GPM6A: variants seen among roughly 807,000 people sequenced by gnomAD.
The protein encoded by GPM6A is glycoprotein M6A, also known as neuronal membrane glycoprotein M6-a.
GPM6A carries 7 observed loss-of-function variants against 32.1 expected under a neutral mutation model. The ratio of observed to expected loss-of-function variants is 0.22; its 90% CI spans 0.12 to 0.41. The LOEUF (loss-of-function observed/expected upper bound fraction) is 0.41. GPM6A is among the 10% of genes least tolerant of loss of function. GPM6A has a pLI of 1.00. For missense variants in GPM6A, 235 were observed against 347.2 expected (o/e 0.68, Z 2.57); for synonymous variants, 130 against 123.4 (o/e 1.05, Z -0.35).
intron 1 of GPM6A, among the ~76,000 whole-genome samples, chr4:175,808,435 T>C (rs1339301590): frequency 6.6e-6 from 1 of 152,224 alleles, no homozygotes; most frequent in Non-Finnish European, 1.5e-5. Context: ...AATAAACCTG[T>C]ACCCTCTCCT....
chr4:175,998,009 C>A (rs970959353), intron 1 of GPM6A, among the ~76,000 whole-genome samples: 1 of 152,130 alleles, frequency 6.6e-6, no homozygotes, highest in Non-Finnish European at 1.5e-5. Flanking sequence ...ATAGATAATT[C>A]ATTTCATGGG....
chr4:175,878,367 C>T (rs560042310), intron 1 of GPM6A, among the ~76,000 whole-genome samples: 3 of 152,312 alleles, frequency 2.0e-5, no homozygotes, highest in African/African-American at 4.8e-5. Flanking sequence ...TCTGTGAGTG[C>T]CCCACCCCTG....
At chr4:175,912,362 C>A (rs1738348275) in intron 1 of GPM6A, among the ~76,000 whole-genome samples, 1 of 151,900 alleles carries the variant, frequency 6.6e-6, no homozygotes, top group Non-Finnish European at 1.5e-5. Flanking sequence ...ATGGTTCAAG[C>A]ATAAAGGTCT....
chr4:175,955,628 C>G (rs1156481902), intron 1 of GPM6A, among the ~76,000 whole-genome samples: 1 of 152,184 alleles, frequency 6.6e-6, no homozygotes, highest in African/African-American at 2.4e-5. Flanking sequence ...CAATCTATCT[C>G]TGGTTCACCT....
intron 1 of GPM6A, among the ~76,000 whole-genome samples, chr4:175,851,295 G>A (rs991613316): frequency 3.3e-5 from 5 of 152,066 alleles, no homozygotes; most frequent in African/African-American, 1.2e-4. Flanking sequence ...GACCAGCCTG[G>A]CCAACATGGT....
intron 3 of GPM6A, among the ~76,000 whole-genome samples, chr4:175,671,570 T>C (rs1215428608): frequency 7.1e-6 from 1 of 141,352 alleles, no homozygotes; most frequent in African/African-American, 2.6e-5. Flanking sequence ...TCTTTTCCCC[T>C]CGATTTCATG....
chr4:175,911,864 A>G (rs977813356), intron 1 of GPM6A, among the ~76,000 whole-genome samples: 24 of 152,180 alleles, frequency 1.6e-4, no homozygotes, highest in African/African-American at 4.8e-4. Context: ...TTTAGATGTC[A>G]AAAAAATGAC....
intron 1 of GPM6A, among the ~76,000 whole-genome samples, chr4:175,946,984 A>C (rs1040921999): frequency 6.6e-6 from 1 of 152,202 alleles, no homozygotes; most frequent in Non-Finnish European, 1.5e-5. Flanking sequence ...AAAATCATTT[A>C]AGAGCCTGCA....
chr4:175,648,068 T>G (rs902630013), intron 4 of GPM6A, among the ~76,000 whole-genome samples: 1 of 152,182 alleles, frequency 6.6e-6, no homozygotes, highest in Non-Finnish European at 1.5e-5. Flanking sequence ...ACCACATATT[T>G]ATGCTTTACA....
chr4:175,824,058 C>T (rs1216719373), intron 1 of GPM6A, among the ~76,000 whole-genome samples: 1 of 152,172 alleles, frequency 6.6e-6, no homozygotes, highest in Non-Finnish European at 1.5e-5. Context: ...AGATTGTGAT[C>T]TACTCTCCAT....
chr4:175,993,013 G>T (rs961799860), intron 1 of GPM6A, among the ~76,000 whole-genome samples: 2 of 151,998 alleles, frequency 1.3e-5, no homozygotes, highest in Non-Finnish European at 2.9e-5. Flanking sequence ...CATTTTCAGT[G>T]TCTGCCTTTC....
rs1038651031 is a variant in GPM6A at position 175,653,890 on chromosome 4, T to C, written c.388-1903A>G. ...GGATAATATTAATATTTTTAAGTGGTCTTTATCCTTTCTTTCTGGAACGTG... is the reference window on the plus strand; with the variant it reads ...GGATAATATTAATATTTTTAAGTGGCCTTTATCCTTTCTTTCTGGAACGTG... On this transcript the variant is annotated intron_variant, in intron 3 of 6. Transcript: ENST00000393658. 3.9e-5 allele frequency among the ~76,000 whole-genome samples: 6 copies of C among 152,226 alleles called. No individual in the cohort carries two copies. The East Asian group carries it at 1.2e-3, about 29-fold the overall frequency.
chr4:175,744,899 G>A (rs1480119362), intron 1 of GPM6A, among the ~76,000 whole-genome samples: 2 of 152,084 alleles, frequency 1.3e-5, no homozygotes, highest in Admixed American at 6.6e-5. Context: ...GAATGGATAG[G>A]AATTATGTGT....
intron 1 of GPM6A, among the ~76,000 whole-genome samples, chr4:175,872,188 G>C (rs1736931902): frequency 6.6e-6 from 1 of 152,110 alleles, no homozygotes; most frequent in Non-Finnish European, 1.5e-5. Context: ...GTTTACAGAG[G>C]TCTACATTTG....
intron 1 of GPM6A, among the ~76,000 whole-genome samples, chr4:175,836,760 G>T (rs1039596644): frequency 1.2e-4 from 19 of 152,164 alleles, no homozygotes; most frequent in African/African-American, 4.6e-4. Context: ...ATGACAATGG[G>T]GTATATTATG....
chr4:175,736,183 T>G (rs949457340), intron 1 of GPM6A, among the ~76,000 whole-genome samples: 2 of 145,868 alleles, frequency 1.4e-5, no homozygotes, highest in African/African-American at 4.9e-5. Flanking sequence ...CCATGCCTAA[T>G]TTTTTCTTTA....
At chr4:175,673,962 T>C in intron 2 of GPM6A, 126 bp from the exon 3 acceptor site, 4 of 635,612 alleles carry the variant, frequency 6.3e-6, no homozygotes. Flanking sequence ...ATAATGAAGG[T>C]TGGATTTAAA....
chr4:175,687,379 T>C (rs1025514236), intron 2 of GPM6A, among the ~76,000 whole-genome samples: 6 of 152,090 alleles, frequency 3.9e-5, no homozygotes, highest in Admixed American at 1.3e-4. Context: ...TCTGCTTCTA[T>C]AATTTTGACC....
chr4:175,718,075 A>G (rs907841054), intron 1 of GPM6A, among the ~76,000 whole-genome samples: 11 of 152,240 alleles, frequency 7.2e-5, no homozygotes, highest in African/African-American at 2.7e-4. Context: ...AACAAAAATA[A>G]CAGCTGCAAA....
Sources: allele counts gnomAD v4.1 joint callset (sites outside exome capture counted in the v4.1 genomes callset), GRCh38; gene constraint gnomAD v4.1.1; transcripts MANE v1.5; gene names NCBI Gene and HGNC (gene_info 2026-07-23, HGNC 2026-07-21).